Variants in IGSF11 observed in about 807,000 individuals in gnomAD.
IGSF11 encodes the protein CXADR like 1.
IGSF11 carries 22 observed loss-of-function variants against 41.0 expected under a neutral mutation model. The ratio of observed to expected loss-of-function variants is 0.54; its 90% CI spans 0.38 to 0.77. The LOEUF (loss-of-function observed/expected upper bound fraction) is 0.77, where lower values mean the gene tolerates loss of function less well. IGSF11 is among the 30% of genes least tolerant of loss of function. The pLI, the probability that IGSF11 is intolerant of heterozygous loss-of-function variation, is 0.00. For synonymous variants in IGSF11, 219 were observed against 201.3 expected (o/e 1.09, Z -0.74); for missense variants, 444 against 530.8 (o/e 0.84, Z 1.61).
chr3:119,116,757 A>G (rs2077260828), intron 1 of IGSF11, among the ~76,000 whole-genome samples: 1 of 152,198 alleles, frequency 6.6e-6, no homozygotes, highest in African/African-American at 2.4e-5. Flanking sequence ...ACTCTTGCAA[A>G]TAACACCATT....
At chr3:119,078,905 AG>A (rs1243945785) in intron 1 of IGSF11, among the ~76,000 whole-genome samples, 1 of 152,214 alleles carries the variant, frequency 6.6e-6, no homozygotes, top group African/African-American at 2.4e-5. Flanking sequence ...AAATGGGCAA[AG>A]GACAGAACAG....
intron 1 of IGSF11, among the ~76,000 whole-genome samples, chr3:119,049,137 G>A (rs1941503970): frequency 6.6e-6 from 1 of 151,760 alleles, no homozygotes; most frequent in African/African-American, 2.4e-5. Context: ...AGTGTTGGAA[G>A]TTCTGGCCAG....
At chr3:119,053,706 C>A (rs970139386) in intron 1 of IGSF11, among the ~76,000 whole-genome samples, 43 of 152,074 alleles carry the variant, frequency 2.8e-4, no homozygotes, top group African/African-American at 8.9e-4. Context: ...CCTGCATAGC[C>A]AAAGCAAGAC....
At chr3:119,014,749 G>A (rs1283730803) in intron 1 of IGSF11, among the ~76,000 whole-genome samples, 2 of 152,162 alleles carry the variant, frequency 1.3e-5, no homozygotes, top group East Asian at 1.9e-4. Context: ...GGAAAGAGTT[G>A]AGTATAGAGG....
At chr3:119,030,769 G>A (rs1940320112) in intron 1 of IGSF11, among the ~76,000 whole-genome samples, 1 of 152,156 alleles carries the variant, frequency 6.6e-6, no homozygotes, top group South Asian at 2.1e-4. Context: ...AAAATGCAGG[G>A]ATGAGATGTG....
At chr3:119,144,463 C>A (rs1237696801) in intron 1 of IGSF11, among the ~76,000 whole-genome samples, 1 of 152,018 alleles carries the variant, frequency 6.6e-6, no homozygotes, top group African/African-American at 2.4e-5. Flanking sequence ...TCTCTGAACA[C>A]AGCAGAATGA....
At position 118,926,222 on chromosome 3, in the gene IGSF11, T is replaced by G; in HGVS notation, c.459A>C (p.Gly153=). 6.2e-7 allele frequency: 1 copy of G among 1,609,518 alleles called. No homozygotes were observed. The highest frequency in any genetic ancestry group is 8.5e-7 in the Non-Finnish European group (1 of 1,176,968). ...PPSAPHCQIQ[G]SQDIGSDVIL... ...TGACATCGCTGCCAATATCCTGGGATCCTTGGATTTGGCAGTGTGGGGCAG... is the reference window on the plus strand; with the variant it reads ...TGACATCGCTGCCAATATCCTGGGAGCCTTGGATTTGGCAGTGTGGGGCAG... The change falls in exon 4 of 7, where the codon GGA becomes GGC. Residue 153 remains glycine (G), a synonymous_variant. Transcript: ENST00000393775.
At chr3:119,047,325 A>T (rs187769494) in intron 1 of IGSF11, among the ~76,000 whole-genome samples, 1 of 152,182 alleles carries the variant, frequency 6.6e-6, no homozygotes. Context: ...ATGGAAAACT[A>T]AAAAAGGCAG....
rs528104602 is a variant in IGSF11 at position 118,991,218 on chromosome 3, T to C, written c.52+43313A>G. ...GACGGAGTCAGAAACAATTCAATTA[T>C]TGTTCCATCACAGATATTCTGTATC... On this transcript the variant is annotated intron_variant, in intron 1 of 6. Transcript: ENST00000393775. 2.6e-5 allele frequency among the ~76,000 whole-genome samples: 4 copies of C among 152,340 alleles called. No homozygotes were observed. The East Asian group carries it at 7.7e-4, about 29-fold the overall frequency.
At chr3:119,047,914 A>G (rs1035160752) in intron 1 of IGSF11, among the ~76,000 whole-genome samples, 1 of 152,204 alleles carries the variant, frequency 6.6e-6, no homozygotes, top group African/African-American at 2.4e-5. Flanking sequence ...ACATAACGAA[A>G]TGAAGGCAGA....
intron 1 of IGSF11, among the ~76,000 whole-genome samples, chr3:118,968,388 T>C (rs1322080599): frequency 1.3e-5 from 2 of 152,156 alleles, no homozygotes; most frequent in South Asian, 2.1e-4. Flanking sequence ...GAAAAGAAGA[T>C]CTAGCTTCTC....
At chr3:118,928,403 A>G in intron 3 of IGSF11, 106 bp downstream of exon 3, 1 of 772,174 alleles carries the variant, frequency 1.3e-6, no homozygotes, top group South Asian at 1.8e-5. Context: ...AGACAGAAAA[A>G]GAACATAAGC....
chr3:119,009,192 AT>A (rs1937791476), intron 1 of IGSF11, among the ~76,000 whole-genome samples: 1 of 151,986 alleles, frequency 6.6e-6, no homozygotes, highest in Non-Finnish European at 1.5e-5. Flanking sequence ...AGGCCAACTA[AT>A]AATCTTAGAG....
chr3:119,053,207 T>G (rs1158640455), intron 1 of IGSF11, among the ~76,000 whole-genome samples: 1 of 152,144 alleles, frequency 6.6e-6, no homozygotes, highest in Non-Finnish European at 1.5e-5. Context: ...TTCAAACTGC[T>G]ACTGTTTGCT....
At chr3:118,979,681 G>C (rs1325349365) in intron 1 of IGSF11, among the ~76,000 whole-genome samples, 1 of 151,956 alleles carries the variant, frequency 6.6e-6, no homozygotes, top group Non-Finnish European at 1.5e-5. Context: ...TAGACAAATG[G>C]GACTATATTA....
chr3:118,973,659 A>G (rs1576523981), intron 1 of IGSF11, among the ~76,000 whole-genome samples: 1 of 152,232 alleles, frequency 6.6e-6, no homozygotes, highest in Non-Finnish European at 1.5e-5. Context: ...AAATAAAAAT[A>G]TAACAGAAAA....
intron 1 of IGSF11, among the ~76,000 whole-genome samples, chr3:119,017,504 A>T (rs933587359): frequency 3.3e-5 from 5 of 152,226 alleles, no homozygotes; most frequent in African/African-American, 1.2e-4. Context: ...ATCATCATGC[A>T]GCTCCCAACT....
intron 1 of IGSF11, among the ~76,000 whole-genome samples, chr3:119,002,371 AG>A (rs1325160093): frequency 6.6e-6 from 1 of 151,190 alleles, no homozygotes; most frequent in Admixed American, 6.6e-5. Flanking sequence ...TCTGGATATT[AG>A]CCCTTTGTCA....
Position 118,900,759 on chromosome 3 carries a change from T to A in IGSF11, c.*1761A>T, listed in dbSNP as rs905814880. On this transcript the variant is annotated 3_prime_UTR_variant, in exon 7 of 7. Coordinates refer to ENST00000393775, the MANE Select transcript of IGSF11 (RefSeq NM_001015887.3). ...GTCATGGTATTTTCACTTTTCTTTA[T>A]AAAAAGTATAGACATTCATTTATTT... 6.6e-6 allele frequency: 1 copy of A among 152,558 alleles called. No homozygotes were observed. Among genetic ancestry groups the A allele is most frequent in the Admixed American group, 6.6e-5 (1 of 15,266 alleles). 9.5% of individuals were successfully genotyped at this position (152,558 alleles called of 1,614,324 possible).
Sources: gnomAD v4.1 joint callset for allele counts (sites outside exome capture counted in the v4.1 genomes callset) on GRCh38, gnomAD v4.1.1 for gene constraint, MANE v1.5 for transcripts, NCBI Gene and HGNC (gene_info 2026-07-23, HGNC 2026-07-21) for gene names.